Variants in ROPN1L observed in about 807,000 individuals in gnomAD.
The protein encoded by ROPN1L is ropporin-1-like protein.
In ROPN1L, 23 loss-of-function variants were observed where a neutral mutation model predicts 22.7. The observed-to-expected ratio is 1.01, with a 90% CI of 0.73 to 1.43. The LOEUF (loss-of-function observed/expected upper bound fraction) is 1.43. ROPN1L is among the 40% of genes most tolerant of loss of function. The pLI is 0.00. For missense variants in ROPN1L, 271 were observed against 291.5 expected (o/e 0.93, Z 0.51); for synonymous variants, 116 against 117.8 (o/e 0.98, Z 0.10).
rs183576252 is a variant in ROPN1L at position 10,461,228 on chromosome 5, C to G, written c.462C>G (p.Asp154Glu). Residue 154 changes from aspartate to glutamate, a missense_variant, in exon 4 of 5, where the codon GAC becomes GAG. By Grantham distance (45) the Asp-to-Glu change is conservative. Transcript: ENST00000274134. ...AGCACCTGTGCGAGATCCTCACGGA[C>G]GATCCGGAGGGCGGGCCCGCTCGCA... ...ALKHLCEILTDDPEGGPARIP... is the reference protein window; with the variant it reads ...ALKHLCEILTEDPEGGPARIP... 3 of 1,614,142 alleles carry G rather than the reference C, an allele frequency of 1.9e-6. No individual in the cohort carries two copies. The highest frequency in any genetic ancestry group is 2.5e-6 in the Non-Finnish European group (3 of 1,180,030).
downstream of ROPN1L, among the ~76,000 whole-genome samples, chr5:10,467,503 C>T (rs568998055): frequency 2.6e-5 from 4 of 152,220 alleles, no homozygotes; most frequent in Admixed American, 1.3e-4. Flanking sequence ...AGGGGAGAAG[C>T]GGTCTGGAGG....
the ROPN1L span, among the ~76,000 whole-genome samples, chr5:10,480,550 G>A: frequency 2.6e-5 from 4 of 152,084 alleles, no homozygotes; most frequent in East Asian, 1.9e-4. Flanking sequence ...GGGCAGTGGG[G>A]TCCAGGTGGG....
At chr5:10,461,965 G>C (rs1472337963) in intron 4 of ROPN1L, among the ~76,000 whole-genome samples, 1 of 152,170 alleles carries the variant, frequency 6.6e-6, no homozygotes, top group Non-Finnish European at 1.5e-5. Flanking sequence ...CTTCCTGTTG[G>C]TCTCGATGTG....
In ROPN1L at chr5:10,449,983, A is replaced by G. The variant is rs765465053; in HGVS notation, c.287A>G (p.Asp96Gly). The G allele has an allele frequency of 2.5e-6, 4 of 1,613,822 alleles. No homozygotes were observed. Among genetic ancestry groups the G allele is most frequent in the Admixed American group, 1.7e-5 (1 of 59,956 alleles). ...CACAAGCGGTATGTGGAATTAACAG[A>G]TCTTGAGCAGAAGTGGAAGAACTTG... The part of the protein sequence containing the change: ...CHHKRYVELT[D>G]LEQKWKNLCL... The change falls in exon 3 of 5, where the codon GAT (aspartate) becomes GGT (glycine). Residue 96 changes from aspartate to glycine, a missense_variant. By Grantham distance (94) the Asp-to-Gly change is moderately conservative (BLOSUM62 -1). Coordinates refer to ENST00000274134, the MANE Select transcript of ROPN1L (RefSeq NM_031916.5).
intron 3 of ROPN1L, among the ~76,000 whole-genome samples, chr5:10,459,269 A>G (rs1734956112): frequency 6.8e-6 from 1 of 146,548 alleles, no homozygotes; most frequent in Non-Finnish European, 1.5e-5. Flanking sequence ...GGATTATTCC[A>G]GCAGCCTCCT....
chr5:10,455,872 C>CTTATAAAA (rs757510378), intron 3 of ROPN1L, among the ~76,000 whole-genome samples: 1 of 152,038 alleles, frequency 6.6e-6, no homozygotes. Flanking sequence ...GGGTCAGAGG[C>CTTATAAAA]ACAGCTTCAC....
chr5:10,455,029 A>C (rs1178820100), intron 3 of ROPN1L, among the ~76,000 whole-genome samples: 1 of 152,224 alleles, frequency 6.6e-6, no homozygotes, highest in African/African-American at 2.4e-5. Flanking sequence ...CCTCGGGACG[A>C]TCATCAAAAT....
chr5:10,452,982 A>G (rs922665713), intron 3 of ROPN1L, among the ~76,000 whole-genome samples: 1 of 152,168 alleles, frequency 6.6e-6, no homozygotes, highest in Admixed American at 6.5e-5. Context: ...GGTTCTTCCT[A>G]TCATAGAGAA....
intron 3 of ROPN1L, among the ~76,000 whole-genome samples, chr5:10,452,390 G>A (rs1741288954): frequency 6.8e-6 from 1 of 146,190 alleles, no homozygotes; most frequent in South Asian, 2.2e-4. Context: ...AGGCTGTAGT[G>A]CAGTGGTGCG....
chr5:10,467,706 A>C (rs1735178080), downstream of ROPN1L, among the ~76,000 whole-genome samples: 1 of 152,220 alleles, frequency 6.6e-6, no homozygotes, highest in African/African-American at 2.4e-5. Flanking sequence ...GAGGAGCAAA[A>C]GGAAAGGCAG....
chr5:10,459,083 T>C (rs1443548268), intron 3 of ROPN1L, among the ~76,000 whole-genome samples: 2 of 150,934 alleles, frequency 1.3e-5, no homozygotes, highest in African/African-American at 4.9e-5. Context: ...CTGACAGACA[T>C]GTCAGTGGAA....
In ROPN1L at chr5:10,461,296, G is replaced by A. The variant is rs761409883; in HGVS notation, c.530G>A (p.Arg177Lys). ...TCCTACGTTTACCGCTACTTGGCCAGATTAGACTCAGATGTGTCTCCCTTG... is the reference window on the plus strand; with the variant it reads ...TCCTACGTTTACCGCTACTTGGCCAAATTAGACTCAGATGTGTCTCCCTTG... ...TFSYVYRYLA[R>K]LDSDVSPLET... Residue 177 changes from arginine (R) to lysine (K), a missense_variant, in exon 4 of 5, where the codon AGA (arginine) becomes AAA (lysine). Transcript: ENST00000274134. 3 of 1,614,202 alleles carry A rather than the reference G, an allele frequency of 1.9e-6. No individual in the cohort carries two copies. In the East Asian group the frequency reaches 6.7e-5, roughly 36 times the overall value.
downstream of ROPN1L, among the ~76,000 whole-genome samples, chr5:10,467,880 T>C (rs1055094720): frequency 6.6e-6 from 1 of 152,240 alleles, no homozygotes; most frequent in African/African-American, 2.4e-5. Context: ...AGCACTCATC[T>C]GCCCAGCCAG....
chr5:10,474,928 T>G, downstream of ROPN1L, among the ~76,000 whole-genome samples: 1 of 152,104 alleles, frequency 6.6e-6, no homozygotes, highest in African/African-American at 2.4e-5. Flanking sequence ...ATCACACAGT[T>G]AAAAAAACAA....
At chr5:10,443,603 C>T (rs1296980382) in intron 1 of ROPN1L, among the ~76,000 whole-genome samples, 6 of 150,142 alleles carry the variant, frequency 4.0e-5, no homozygotes, top group Admixed American at 1.3e-4. Context: ...CAGTCCGGCC[C>T]GGGCGACAGA....
intron 3 of ROPN1L, among the ~76,000 whole-genome samples, chr5:10,456,627 T>C (rs371150695): frequency 5.9e-5 from 9 of 152,232 alleles, no homozygotes; most frequent in East Asian, 3.8e-4. Context: ...TTGGCTGTTG[T>C]GCAAGTGACT....
In ROPN1L at chr5:10,442,012, C is replaced by T; in HGVS notation, c.-156C>T. 3.0e-6 allele frequency: 3 copies of T among 1,011,382 alleles called. No individual in the cohort carries two copies. Among genetic ancestry groups the T allele is most frequent in the Non-Finnish European group, 4.3e-6 (3 of 696,268 alleles). 62.7% of individuals were successfully genotyped at this position (1,011,382 alleles called of 1,614,324 possible). The stretch of plus-strand genomic sequence containing the variant: ...AGCCCGCGGAGGAGCGGGTAAGAGC[C>T]CCGCGAATCCGGCCCCAACCTCGGG... On this transcript the variant is annotated 5_prime_UTR_variant, in exon 1 of 5. Transcript: ENST00000274134.
At chr5:10,481,347 G>A in the ROPN1L span, among the ~76,000 whole-genome samples, 1 of 152,242 alleles carries the variant, frequency 6.6e-6, no homozygotes, top group Non-Finnish European at 1.5e-5. Context: ...AGCAGGCTCA[G>A]GAGACAGCGG....
downstream of ROPN1L, among the ~76,000 whole-genome samples, chr5:10,474,717 A>T (rs1033167974): frequency 1.7e-4 from 26 of 152,248 alleles, no homozygotes; most frequent in African/African-American, 5.5e-4. Flanking sequence ...ATGAATATGG[A>T]TCATGTTGCT....
Sources: allele counts gnomAD v4.1 joint callset (sites outside exome capture counted in the v4.1 genomes callset), GRCh38; gene constraint gnomAD v4.1.1; transcripts MANE v1.5; gene names NCBI Gene and HGNC (gene_info 2026-07-23, HGNC 2026-07-21).